The following ZNF687 variants were observed in gnomAD, a reference collection of about 807,000 sequenced individuals.
The protein encoded by ZNF687 is zinc finger protein 687.
ZNF687 carries 13 observed loss-of-function variants against 71.8 expected under a neutral mutation model. The observed-to-expected ratio is 0.18, with a 90% CI of 0.12 to 0.29. The LOEUF (loss-of-function observed/expected upper bound fraction) is 0.29, where lower values mean the gene tolerates loss of function less well. ZNF687 is among the 10% of genes least tolerant of loss of function. ZNF687 has a pLI of 1.00. For synonymous variants in ZNF687, 673 were observed against 641.6 expected, an observed-to-expected ratio of 1.05 and a Z score of -0.74; for missense variants, 1,412 against 1,625.6, an observed-to-expected ratio of 0.87 and a Z score of 2.26.
chr1:151,290,178 C>T lies in ZNF687; in HGVS notation c.3021C>T (p.Ser1007=), dbSNP rs1694155174. The T allele has an allele frequency of 1.2e-6, 2 of 1,613,918 alleles. No individual in the cohort carries two copies. The highest frequency in any genetic ancestry group is 3.3e-5 in the Admixed American group (2 of 60,014). ...LCERSFCSAP[S]LRRHVRVNHE... Reference sequence around the variant, plus strand: ...AGCGCTCCTTCTGCTCCGCCCCCAGCCTGAGGCGCCATGTCAGAGTTAATC... The same window carrying T: ...AGCGCTCCTTCTGCTCCGCCCCCAGTCTGAGGCGCCATGTCAGAGTTAATC... Residue 1007 remains serine, a synonymous_variant, in exon 7 of 9, where the codon AGC becomes AGT. Coordinates refer to ENST00000336715, the MANE Select transcript of ZNF687 (RefSeq NM_020832.3).
upstream of ZNF687, chr1:151,281,645 G>A (rs1463558876): frequency 2.1e-6 from 1 of 469,514 alleles, no homozygotes; most frequent in South Asian, 1.6e-5. Flanking sequence ...GAGCTGAACC[G>A]CGCGAGGACC....
In ZNF687 at chr1:151,290,435, T is replaced by C. The variant is rs2101885939; in HGVS notation, c.3081T>C (p.Tyr1027=). 1.9e-6 allele frequency: 3 copies of C among 1,613,926 alleles called. No individual in the cohort carries two copies. Among genetic ancestry groups the C allele is most frequent in the Non-Finnish European group, 2.5e-6 (3 of 1,180,028 alleles). ...ATCCTGTCCTCTCCCATTTCAGGTATTGCACAGAGGGAAAACGCACCTTCA... is the reference window on the plus strand; with the variant it reads ...ATCCTGTCCTCTCCCATTTCAGGTACTGCACAGAGGGAAAACGCACCTTCA... ...EGIKRVYPCR[Y]CTEGKRTFSS... is the part of the protein sequence containing the mutation. The change falls in exon 8 of 9, where the codon TAT becomes TAC. Residue 1027 remains tyrosine (Y), a synonymous_variant. Coordinates refer to ENST00000336715, the MANE Select transcript of ZNF687 (RefSeq NM_020832.3).
intron 6 of ZNF687, 25 bp from the exon 7 acceptor site, chr1:151,290,097 C>G (rs775427422): frequency 6.2e-7 from 1 of 1,613,540 alleles, no homozygotes; most frequent in South Asian, 1.1e-5. Context: ...GAGCCTGGCT[C>G]TGACATCTAC....
rs375351311 is a variant in ZNF687 at position 151,288,601 on chromosome 1, G to A, written c.2189G>A (p.Arg730Gln). 12 of 1,613,876 alleles carry A rather than the reference G, an allele frequency of 7.4e-6. No individual in the cohort carries two copies. The highest frequency in any genetic ancestry group is 1.6e-4 in the Middle Eastern group (1 of 6,080). ...GCCCACCAGCGCATGCATAAGAATC[G>A]ACCCCCCCATGTCTGTCCTGAGTGT... is the stretch of plus-strand genomic sequence containing the variant. ...FSAHQRMHKN[R>Q]PPHVCPECGG... is the part of the protein sequence containing the mutation. The change falls in exon 3 of 9, where the codon CGA becomes CAA. Residue 730 changes from arginine (R) to glutamine (Q), a missense_variant. Transcript: ENST00000336715.
chr1:151,284,967 T>C (rs1231976681), intron 1 of ZNF687, among the ~76,000 whole-genome samples: 3 of 151,994 alleles, frequency 2.0e-5, no homozygotes, highest in African/African-American at 7.3e-5. Context: ...CGTGCCATCA[T>C]GCCTGGGGAG....
rs775551768 is a variant in ZNF687 at position 151,291,072 on chromosome 1, C to G, written c.3577C>G (p.Leu1193Val). The G allele has an allele frequency of 6.2e-7, 1 of 1,613,774 alleles. No individual in the cohort carries two copies. Among genetic ancestry groups the G allele is most frequent in the East Asian group, 2.2e-5 (1 of 44,862 alleles). ...TGACCCCGATGGTGGAGACTCACCC[C>G]TGCCTGCTTCTGGAGGCCCACTGAC... Reference protein sequence around the residue: ...RSDPDGGDSPLPASGGPLTCK... With the variant: ...RSDPDGGDSPVPASGGPLTCK... The change falls in exon 9 of 9, where the codon CTG becomes GTG. Residue 1193 changes from leucine (L) to valine (V), a missense_variant. Leu to Val is a conservative substitution (Grantham distance 32). Around this residue, in one of 8 missense-constraint regions of ZNF687, gnomAD observed 284 missense variants for 359.2 expected, o/e 0.79. Coordinates refer to ENST00000336715, the MANE Select transcript of ZNF687 (RefSeq NM_020832.3).
rs765661034 is a variant in ZNF687, at chr1:151,289,488, C to T, written c.2582C>T (p.Pro861Leu). Residue 861 changes from proline (P) to leucine (L), a missense_variant, in exon 5 of 9, where the codon CCG becomes CTG. By Grantham distance (98) the Pro-to-Leu change is moderately conservative. Coordinates refer to ENST00000336715, the MANE Select transcript of ZNF687 (RefSeq NM_020832.3). ...CAGCGTGTCAGTGTCTTTAAGTGCC[C>T]GTCTTGTCCTCTGCTCTTTGCCCAA... ...LPQRVSVFKC[P>L]SCPLLFAQKR... 1.3e-5 allele frequency: 21 copies of T among 1,614,118 alleles called. No homozygotes were observed. Among genetic ancestry groups the T allele is most frequent in the Non-Finnish European group, 1.7e-5 (20 of 1,180,050 alleles).
intron 1 of ZNF687, chr1:151,283,710 C>A: frequency 1.9e-6 from 1 of 531,072 alleles, no homozygotes; most frequent in South Asian, 8.1e-5. Flanking sequence ...AGGAGCCAGG[C>A]CTATAGAGAC....
Position 151,290,867 on chromosome 1 carries a change from C to T in ZNF687, c.3372C>T (p.Leu1124=), listed in dbSNP as rs779626113. Residue 1124 remains leucine, a synonymous_variant, in exon 9 of 9, where the codon CTC becomes CTT. Coordinates refer to ENST00000336715, the MANE Select transcript of ZNF687 (RefSeq NM_020832.3). ...GCAGCAGCTCCACAGAACAGAGCCT[C>T]ATGATGGGGTTGAGGGTGGAGGATG... is the stretch of plus-strand genomic sequence containing the variant. ...YRSSSSTEQS[L]MMGLRVEDGA... 51 of 1,613,982 alleles carry T rather than the reference C, an allele frequency of 3.2e-5. No individual in the cohort carries two copies. The highest frequency in any genetic ancestry group is 1.2e-4 in the Admixed American group (7 of 60,006).
In ZNF687 at chr1:151,287,561, G is replaced by A. The variant is rs747349910; in HGVS notation, c.1270G>A (p.Val424Met). 47 of 1,614,004 alleles carry A rather than the reference G, an allele frequency of 2.9e-5. 2 individuals carry two copies. In the South Asian group the frequency reaches 5.2e-4, roughly 18 times the overall value. Reference protein sequence around the residue: ...LMAASVARKAVVLPGGTATSP... With the variant: ...LMAASVARKAMVLPGGTATSP... Reference sequence around the variant, plus strand: ...GGCAGCCAGTGTGGCTCGCAAGGCTGTGGTGCTGCCTGGGGGGACTGCCAC... The same window carrying A: ...GGCAGCCAGTGTGGCTCGCAAGGCTATGGTGCTGCCTGGGGGGACTGCCAC... Residue 424 changes from valine to methionine, a missense_variant, in exon 2 of 9, where the codon GTG becomes ATG. Around this residue, in one of 8 missense-constraint regions of ZNF687, gnomAD observed 133 missense variants for 155.1 expected, o/e 0.86. Transcript: ENST00000336715. The surrounding 1 kb of genome is among the most constrained non-coding windows in gnomAD (Gnocchi z 5.0).
intron 1 of ZNF687, 121 bp downstream of exon 1, chr1:151,282,516 G>A (rs1693758864): frequency 7.9e-6 from 6 of 757,744 alleles, no homozygotes; most frequent in Non-Finnish European, 9.7e-6. Flanking sequence ...CCCCTGGGGC[G>A]GCTTCTAGGA....
chr1:151,283,849 G>A (rs587773933), intron 1 of ZNF687: 3 of 985,406 alleles, frequency 3.0e-6, no homozygotes, highest in South Asian at 4.7e-5. Flanking sequence ...TGCTGGGACT[G>A]TCTCTAGTTA....
chr1:151,287,830 C>T lies in ZNF687; in HGVS notation c.1539C>T (p.Ala513=), dbSNP rs774021073. 35 of 1,614,030 alleles carry T rather than the reference C, an allele frequency of 2.2e-5. No homozygotes were observed. In the South Asian group the frequency reaches 3.7e-4, roughly 17 times the overall value. The part of the protein sequence containing the change: ...KILNSKNLLP[A]YRPNLSPPAE... ...TCAACAGCAAGAACCTGCTCCCTGC[C>T]TATAGGCCAAACCTGAGCCCACCAG... Residue 513 remains alanine (A), a synonymous_variant, in exon 2 of 9, where the codon GCC becomes GCT. Coordinates refer to ENST00000336715, the MANE Select transcript of ZNF687 (RefSeq NM_020832.3). The surrounding 1 kb of genome is among the most constrained non-coding windows in gnomAD (Gnocchi z 5.0).
At chr1:151,281,644 C>T (rs1240312999), upstream of ZNF687, 1 of 469,516 alleles carries the variant, frequency 2.1e-6, no homozygotes. Context: ...GGAGCTGAAC[C>T]GCGCGAGGAC....
Position 151,287,073 on chromosome 1 carries a change from CCTT to C in ZNF687, c.787_789del (p.Phe263del), listed in dbSNP as rs587752303. On this transcript the variant is annotated inframe_deletion, in exon 2 of 9. Coordinates refer to ENST00000336715, the MANE Select transcript of ZNF687 (RefSeq NM_020832.3). The surrounding 1 kb of genome is among the most constrained non-coding windows in gnomAD (Gnocchi z 5.0). ...TCGCCTCCCCCAGTTGCTGGGGTGCCCTTCTTCAAGCAGTCTCCAGGGCACCAG... is the reference window on the plus strand; with the variant it reads ...TCGCCTCCCCCAGTTGCTGGGGTGCCCTTCAAGCAGTCTCCAGGGCACCAG... 1.6e-4 allele frequency: 262 copies of C among 1,613,124 alleles called. No homozygotes were observed. Among genetic ancestry groups the C allele is most frequent in the African/African-American group, 1.2e-3 (90 of 75,010 alleles).
rs373100596 is a variant in ZNF687, at chr1:151,290,185, C to T, written c.3028C>T (p.Arg1010Cys). 2 of 1,614,024 alleles carry T rather than the reference C, an allele frequency of 1.2e-6. No individual in the cohort carries two copies. Among genetic ancestry groups the T allele is most frequent in the Non-Finnish European group, 1.7e-6 (2 of 1,180,032 alleles). Residue 1010 changes from arginine to cysteine, a missense_variant, in exon 7 of 9, where the codon CGC (arginine) becomes TGC (cysteine). Around this residue, in one of 8 missense-constraint regions of ZNF687, gnomAD observed 284 missense variants for 359.2 expected, o/e 0.79. Transcript: ENST00000336715. ...CTTCTGCTCCGCCCCCAGCCTGAGG[C>T]GCCATGTCAGAGTTAATCACGAGGG... ...RSFCSAPSLR[R>C]HVRVNHEGIK...
chr1:151,286,704 C>G lies in ZNF687; in HGVS notation c.413C>G (p.Pro138Arg), dbSNP rs1174440019. The change falls in exon 2 of 9, where the codon CCC becomes CGC. Residue 138 changes from proline (P) to arginine (R), a missense_variant. Around this residue, in one of 8 missense-constraint regions of ZNF687, gnomAD observed 490 missense variants for 489.9 expected, o/e 1.00. Transcript: ENST00000336715. Reference sequence around the variant, plus strand: ...CCTGAACCTTCCCTCCCAGGAACTCCCCACTCTCCTGCTCCTCCCAGTGGG... The same window carrying G: ...CCTGAACCTTCCCTCCCAGGAACTCGCCACTCTCCTGCTCCTCCCAGTGGG... ...GSPEPSLPGT[P>R]HSPAPPSGGT... 1.2e-6 allele frequency: 2 copies of G among 1,614,180 alleles called. No individual in the cohort carries two copies. The highest frequency in any genetic ancestry group is 3.3e-5 in the Admixed American group (2 of 60,022).
At chr1:151,284,279 G>C (rs1263011799) in intron 1 of ZNF687, 1 of 985,084 alleles carries the variant, frequency 1.0e-6, no homozygotes, top group Admixed American at 6.2e-5. Flanking sequence ...TGTATCTTGG[G>C]AGTTTTAGCC....
intron 1 of ZNF687, chr1:151,283,132 C>T: frequency 1.0e-6 from 1 of 985,488 alleles, no homozygotes; most frequent in Non-Finnish European, 1.2e-6. Context: ...GGCCGCGCGC[C>T]TCAGTTTCCC....
Sources: allele counts gnomAD v4.1 joint callset (sites outside exome capture counted in the v4.1 genomes callset), GRCh38; gene constraint gnomAD v4.1.1; regional missense constraint gnomAD v4.1.1; non-coding constraint Gnocchi (gnomAD v3.1); transcripts MANE v1.5; gene names NCBI Gene and HGNC (gene_info 2026-07-23, HGNC 2026-07-21).